FAM151B: variants seen among roughly 807,000 people sequenced by gnomAD.
FAM151B encodes protein FAM151B.
FAM151B carries 24 observed loss-of-function variants against 31.2 expected under a neutral mutation model. The ratio of observed to expected loss-of-function variants is 0.77; its 90% CI spans 0.56 to 1.08. The LOEUF (loss-of-function observed/expected upper bound fraction) is 1.08, where lower values mean the gene tolerates loss of function less well. Ranked by LOEUF, FAM151B falls within the 50% of genes least tolerant of loss-of-function variation. The probability of loss-of-function intolerance (pLI) is 0.00; values close to 1 mark genes in which losing one functional copy is unlikely to be tolerated. For missense variants in FAM151B, 293 were observed against 328.6 expected, an observed-to-expected ratio of 0.89 and a Z score of 0.84; for synonymous variants, 105 against 111.4, an observed-to-expected ratio of 0.94 and a Z score of 0.36.
In FAM151B at chr5:80,538,103, C is replaced by T. The variant is rs551981501; in HGVS notation, c.672-3570C>T. On this transcript the variant is annotated intron_variant, in intron 5 of 5. Transcript: ENST00000282226. ...TTTTTTTTTGAGGCAGAGTCTCACT[C>T]TGTCACCAGGCTGGAGTTCAGTGGC... 2.8e-4 allele frequency among the ~76,000 whole-genome samples: 41 copies of T among 148,680 alleles called. No homozygotes were observed. The South Asian group carries it at 7.2e-3, about 26-fold the overall frequency.
rs563302721 is a variant in FAM151B, at chr5:80,529,329, T to G, written c.671+7191T>G. ...ACCCTAACATCACAATTAAAAGAAC[T>G]AGAGAAGCAAGAGCAAACCCATTCA... On this transcript the variant is annotated intron_variant, in intron 5 of 5. Coordinates refer to ENST00000282226, the MANE Select transcript of FAM151B (RefSeq NM_205548.3). Among the ~76,000 whole-genome samples, 64 of 152,026 alleles carry G rather than the reference T, an allele frequency of 4.2e-4. No homozygotes were observed. In the East Asian group the frequency reaches 0.01, roughly 24 times the overall value.
intron 1 of FAM151B, chr5:80,495,329 A>C (rs1743490523): frequency 6.6e-6 from 1 of 152,138 alleles, no homozygotes; most frequent in African/African-American, 2.4e-5. Flanking sequence ...TGTTTTGTAA[A>C]TCTATAGCTG....
At position 80,491,102 on chromosome 5, in the gene FAM151B, C is replaced by T. The variant is rs36153861; in HGVS notation, c.25+2954C>T. Among the ~76,000 whole-genome samples, 631 of 152,138 alleles carry T rather than the reference C, an allele frequency of 4.1e-3. 4 individuals are homozygous for T. The highest frequency in any genetic ancestry group is 0.01 in the Middle Eastern group (3 of 292). On this transcript the variant is annotated intron_variant, in intron 1 of 5. Transcript: ENST00000282226. ...TGTATACATGGTAGAATGATTAAGT[C>T]AGGCTAATTAATATATCCATCACCT...
At chr5:80,512,222 A>G (rs1744220882) in intron 2 of FAM151B, among the ~76,000 whole-genome samples, 1 of 152,244 alleles carries the variant, frequency 6.6e-6, no homozygotes, top group Non-Finnish European at 1.5e-5. Context: ...GACTATGTGT[A>G]TGATGGCAAC....
At chr5:80,529,464 A>C (rs1405429717) in intron 5 of FAM151B, among the ~76,000 whole-genome samples, 13 of 152,140 alleles carry the variant, frequency 8.5e-5, no homozygotes, top group Non-Finnish European at 1.5e-4. Context: ...TTTTTTGAAA[A>C]GATCAACAAA....
chr5:80,493,644 G>A (rs748647676), intron 1 of FAM151B, among the ~76,000 whole-genome samples: 6 of 152,102 alleles, frequency 3.9e-5, no homozygotes, highest in Admixed American at 6.5e-5. Flanking sequence ...TGTCTTATGC[G>A]GTTGATATAA....
Position 80,519,779 on chromosome 5 carries a change from T to C in FAM151B, c.404T>C (p.Leu135Pro). 1 of 1,614,192 alleles carries C rather than the reference T, an allele frequency of 6.2e-7. No individual in the cohort carries two copies. The highest frequency in any genetic ancestry group is 8.5e-7 in the Non-Finnish European group (1 of 1,180,020). ...CCTGTATGGATTAATGCCGATATTC[T>C]TCCTGGTCCAAATGGAAATAGCAAA... ...KRPVWINADILPGPNGNSKVI... is the reference protein window; with the variant it reads ...KRPVWINADIPPGPNGNSKVI... The change falls in exon 4 of 6, where the codon CTT becomes CCT. Residue 135 changes from leucine (L) to proline (P), a missense_variant. By Grantham distance (98) the Leu-to-Pro change is moderately conservative (BLOSUM62 -3). Coordinates refer to ENST00000282226, the MANE Select transcript of FAM151B (RefSeq NM_205548.3).
chr5:80,538,466 C>CT lies in FAM151B; in HGVS notation c.672-3204dup, dbSNP rs1349493918. Among the ~76,000 whole-genome samples the CT allele has an allele frequency of 5.6e-4, 68 of 121,408 alleles. 2 individuals carry two copies. The highest frequency in any genetic ancestry group is 2.0e-3 in the African/African-American group (61 of 30,458). The allele number at this position is 121,408 out of a possible 152,430, so 79.6% of individuals were successfully genotyped here. ...TTTCTTTCTCTTTCTTTCTTTCTTT[C>CT]TTTCTTTCTTTCTTTCTTTCCTTCC... On this transcript the variant is annotated intron_variant, in intron 5 of 5. Transcript: ENST00000282226.
At chr5:80,538,599 T>G (rs1243613929) in intron 5 of FAM151B, among the ~76,000 whole-genome samples, 1 of 145,356 alleles carries the variant, frequency 6.9e-6, no homozygotes, top group African/African-American at 2.6e-5. Context: ...CCTTTCTTTC[T>G]TTTCTTTCTT....
At chr5:80,492,152 T>G (rs1370691311) in intron 1 of FAM151B, among the ~76,000 whole-genome samples, 1 of 152,174 alleles carries the variant, frequency 6.6e-6, no homozygotes, top group Non-Finnish European at 1.5e-5. Context: ...TACTTCACTT[T>G]ATTGTGCTTT....
chr5:80,504,148 C>G (rs1214536750), intron 2 of FAM151B, among the ~76,000 whole-genome samples: 1 of 152,202 alleles, frequency 6.6e-6, no homozygotes, highest in Non-Finnish European at 1.5e-5. Context: ...TATTTACTAA[C>G]CTGCACTTCC....
At chr5:80,538,342 C>T (rs1484147141) in intron 5 of FAM151B, among the ~76,000 whole-genome samples, 2 of 152,014 alleles carry the variant, frequency 1.3e-5, no homozygotes, top group African/African-American at 4.8e-5. Flanking sequence ...CCTGGGATTA[C>T]AGGCATGAGC....
At chr5:80,491,733 T>C (rs1458776286) in intron 1 of FAM151B, among the ~76,000 whole-genome samples, 1 of 152,206 alleles carries the variant, frequency 6.6e-6, no homozygotes, top group Non-Finnish European at 1.5e-5. Flanking sequence ...GTATTTTTCT[T>C]TCCGTACCTG....
chr5:80,514,133 A>AG (rs1744311622), intron 3 of FAM151B, among the ~76,000 whole-genome samples: 2 of 152,300 alleles, frequency 1.3e-5, no homozygotes, highest in East Asian at 1.9e-4. Flanking sequence ...ATATTTGTAA[A>AG]GGGAATTATT....
chr5:80,537,771 T>C (rs1476569301), intron 5 of FAM151B, among the ~76,000 whole-genome samples: 1 of 152,102 alleles, frequency 6.6e-6, no homozygotes, highest in Non-Finnish European at 1.5e-5. Flanking sequence ...GATATTGGAG[T>C]AAAACTACCA....
intron 5 of FAM151B, among the ~76,000 whole-genome samples, chr5:80,531,300 G>C (rs1745233444): frequency 6.6e-6 from 1 of 152,060 alleles, no homozygotes. Context: ...GAAAACCTAG[G>C]CAATACCATT....
intron 3 of FAM151B, among the ~76,000 whole-genome samples, chr5:80,515,960 A>AC (rs1390578126): frequency 1.3e-5 from 2 of 152,190 alleles, no homozygotes; most frequent in African/African-American, 4.8e-5. Context: ...CAGCTGAATG[A>AC]CCTGTTAGTT....
chr5:80,501,383 T>G, intron 1 of FAM151B: 1 of 1,157,102 alleles, frequency 8.6e-7, no homozygotes, highest in East Asian at 3.0e-5. Flanking sequence ...ATCAACAGGC[T>G]TACTAGAAGA....
intron 1 of FAM151B, chr5:80,500,207 A>G (rs376722774): frequency 1.4e-5 from 7 of 516,066 alleles, no homozygotes; most frequent in African/African-American, 9.7e-5. Flanking sequence ...AATCAAATAT[A>G]ACAGAAATAG....
Sources: gnomAD v4.1 joint callset for allele counts (sites outside exome capture counted in the v4.1 genomes callset) on GRCh38, gnomAD v4.1.1 for gene constraint, MANE v1.5 for transcripts, NCBI Gene and HGNC (gene_info 2026-07-23, HGNC 2026-07-21) for gene names.